Variants in ASTN2 observed in about 807,000 individuals in gnomAD.
The protein encoded by ASTN2 is astrotactin-2.
A neutral mutation model predicts 139.8 loss-of-function variants in ASTN2; 54 were observed. The observed-to-expected ratio is 0.39, with a 90% CI of 0.31 to 0.48. The LOEUF (loss-of-function observed/expected upper bound fraction) is 0.48, where lower values mean the gene tolerates loss of function less well. Ranked by LOEUF, ASTN2 falls within the 20% of genes least tolerant of loss-of-function variation. The pLI is 0.95. For missense variants in ASTN2, 1,565 were observed against 1,725.1 expected (o/e 0.91, Z 1.64); for synonymous variants, 756 against 719.5 (o/e 1.05, Z -0.81).
At chr9:116,741,606 G>T (rs951107251) in intron 13 of ASTN2, among the ~76,000 whole-genome samples, 4 of 152,194 alleles carry the variant, frequency 2.6e-5, no homozygotes, top group African/African-American at 9.7e-5. Context: ...TCTGTCACTG[G>T]CTGGCTGTGT....
intron 19 of ASTN2, among the ~76,000 whole-genome samples, chr9:116,578,541 CA>C (rs60961993): frequency 2.0e-4 from 29 of 144,122 alleles, no homozygotes; most frequent in South Asian, 6.7e-4. Flanking sequence ...TCCAGAAATG[CA>C]AAAAAAAAAT....
intron 1 of ASTN2, among the ~76,000 whole-genome samples, chr9:117,363,200 T>A (rs187647911): frequency 2.3e-4 from 35 of 152,276 alleles, no homozygotes; most frequent in Non-Finnish European, 4.7e-4. Context: ...CTGACTGATG[T>A]AACACCGAAG....
At chr9:117,235,757 CT>C (rs111631003) in intron 2 of ASTN2, among the ~76,000 whole-genome samples, 319 of 149,224 alleles carry the variant, frequency 2.1e-3, no homozygotes, top group African/African-American at 7.2e-3. Context: ...CAATGCAACT[CT>C]TTTTTTTTTA....
chr9:117,141,248 T>C, intron 4 of ASTN2, 78 bp downstream of exon 4: 2 of 1,300,290 alleles, frequency 1.5e-6, no homozygotes, highest in Non-Finnish European at 2.0e-6. Flanking sequence ...AAGGGAAGAA[T>C]GCACAGATCT....
chr9:117,367,338 A>G (rs1307030357), intron 1 of ASTN2, among the ~76,000 whole-genome samples: 1 of 152,226 alleles, frequency 6.6e-6, no homozygotes, highest in Non-Finnish European at 1.5e-5. Context: ...TACAGTGATG[A>G]GTGGGGAGCA....
chr9:116,754,916 C>T (rs753944140), intron 13 of ASTN2, among the ~76,000 whole-genome samples: 4 of 152,192 alleles, frequency 2.6e-5, no homozygotes, highest in Non-Finnish European at 5.9e-5. Flanking sequence ...CTGTAACCCA[C>T]CAGGCCCACA....
At chr9:116,457,546 A>C (rs997018538) in intron 20 of ASTN2, among the ~76,000 whole-genome samples, 1 of 152,204 alleles carries the variant, frequency 6.6e-6, no homozygotes, top group Non-Finnish European at 1.5e-5. Context: ...AAAAGATCTG[A>C]ATAGACATTT....
chr9:117,328,315 T>C (rs919688068), intron 1 of ASTN2, among the ~76,000 whole-genome samples: 1 of 152,054 alleles, frequency 6.6e-6, no homozygotes, highest in African/African-American at 2.4e-5. Context: ...TAGTATAGAA[T>C]GTGCAGAATC....
At chr9:116,956,805 T>C (rs1240679044) in intron 10 of ASTN2, among the ~76,000 whole-genome samples, 1 of 151,990 alleles carries the variant, frequency 6.6e-6, no homozygotes, top group East Asian at 1.9e-4. Context: ...AAAAATAAAA[T>C]TGGAAAACCA....
intron 17 of ASTN2, among the ~76,000 whole-genome samples, chr9:116,650,133 T>G (rs1172574128): frequency 6.6e-6 from 1 of 152,126 alleles, no homozygotes; most frequent in African/African-American, 2.4e-5. Context: ...TAGTCAGTGG[T>G]CTACCAGTGG....
At chr9:116,530,160 T>A in intron 19 of ASTN2, among the ~76,000 whole-genome samples, 1 of 121,478 alleles carries the variant, frequency 8.2e-6, no homozygotes, top group African/African-American at 3.0e-5. Context: ...TAAAATAGAA[T>A]ATTATTAATC....
At chr9:117,345,885 ATTAGACCTAC>A (rs1829199699) in intron 1 of ASTN2, among the ~76,000 whole-genome samples, 1 of 151,946 alleles carries the variant, frequency 6.6e-6, no homozygotes. Flanking sequence ...CAGTTTTCTT[ATTAGACCTAC>A]TTACTCTCAT....
At chr9:117,221,948 C>T (rs191123461) in intron 2 of ASTN2, among the ~76,000 whole-genome samples, 3 of 152,126 alleles carry the variant, frequency 2.0e-5, no homozygotes, top group Admixed American at 6.5e-5. Flanking sequence ...AATATGCAGC[C>T]GACTCCCTCC....
intron 4 of ASTN2, among the ~76,000 whole-genome samples, chr9:117,121,967 G>A (rs1423263917): frequency 6.6e-6 from 1 of 152,094 alleles, no homozygotes; most frequent in East Asian, 1.9e-4. Context: ...ATCCCATCAG[G>A]CCCCTCCTCC....
At chr9:116,749,809 G>T (rs1213817987) in intron 13 of ASTN2, among the ~76,000 whole-genome samples, 1 of 152,090 alleles carries the variant, frequency 6.6e-6, no homozygotes, top group Non-Finnish European at 1.5e-5. Flanking sequence ...CACAAAACCT[G>T]GTTGTTTAAG....
intron 16 of ASTN2, among the ~76,000 whole-genome samples, chr9:116,720,979 C>T (rs941469171): frequency 4.6e-5 from 7 of 152,112 alleles, no homozygotes; most frequent in Non-Finnish European, 8.8e-5. Context: ...CAAGCCCCAC[C>T]CCTGCCCACA....
chr9:116,452,553 A>G (rs532517443), intron 20 of ASTN2, among the ~76,000 whole-genome samples: 1 of 152,348 alleles, frequency 6.6e-6, no homozygotes, highest in Non-Finnish European at 1.5e-5. Context: ...ACACAGTGCT[A>G]GAAGCTTTTA....
At chr9:116,799,471 T>C (rs1019271486) in intron 13 of ASTN2, among the ~76,000 whole-genome samples, 3 of 152,164 alleles carry the variant, frequency 2.0e-5, no homozygotes, top group African/African-American at 7.2e-5. Context: ...TGAGGGCCTA[T>C]TGGCAAATGC....
At chr9:116,946,008 G>C (rs745372973) in intron 10 of ASTN2, among the ~76,000 whole-genome samples, 1 of 152,168 alleles carries the variant, frequency 6.6e-6, no homozygotes, top group East Asian at 1.9e-4. Context: ...GGTGGTAGGA[G>C]AGAGAGAGAG....
Sources: gnomAD v4.1 joint callset for allele counts (sites outside exome capture counted in the v4.1 genomes callset) on GRCh38, gnomAD v4.1.1 for gene constraint, MANE v1.5 for transcripts, NCBI Gene and HGNC (gene_info 2026-07-23, HGNC 2026-07-21) for gene names.